CCNC: variants seen among roughly 807,000 people sequenced by gnomAD.
CCNC encodes cyclin-C.
Under a neutral mutation model 50.0 loss-of-function variants are expected in CCNC, and 19 were observed. The observed-to-expected ratio is 0.38, with a 90% CI of 0.27 to 0.56. The LOEUF is 0.56. Among genes scored for constraint, CCNC ranks in the 20% least tolerant of loss-of-function variants. CCNC has a pLI of 0.72. For missense variants in CCNC, 200 were observed against 327.1 expected (o/e 0.61, Z 3.00); for synonymous variants, 93 against 103.7 (o/e 0.90, Z 0.63).
chr6:99,549,353 T>C (rs1406954144), intron 9 of CCNC, 155 bp downstream of exon 9: 3 of 694,422 alleles, frequency 4.3e-6, no homozygotes, highest in African/African-American at 1.8e-5. Flanking sequence ...TTTATGACAG[T>C]TGCAGTTCAT....
chr6:99,568,419 C>T (rs571540128), intron 1 of CCNC, 77 bp downstream of exon 1: 2 of 1,390,896 alleles, frequency 1.4e-6, no homozygotes, highest in Admixed American at 1.8e-5. Flanking sequence ...GGGATCCAGG[C>T]CCAGGGGAGT....
At chr6:99,552,460 G>A (rs540811729) in intron 5 of CCNC, among the ~76,000 whole-genome samples, 2 of 151,826 alleles carry the variant, frequency 1.3e-5, no homozygotes, top group South Asian at 2.1e-4. Flanking sequence ...CAAAGGTCTC[G>A]AGTTACTCAT....
chr6:99,559,845 T>C (rs1399322122), intron 4 of CCNC, among the ~76,000 whole-genome samples: 1 of 151,592 alleles, frequency 6.6e-6, no homozygotes, highest in African/African-American at 2.4e-5. Context: ...TCGGCCTCCC[T>C]AGTAGCTGGG....
At position 99,562,863 on chromosome 6, in the gene CCNC, A is replaced by G. The variant is rs751362962; in HGVS notation, c.118T>C (p.Leu40=). The G allele has an allele frequency of 6.3e-7, 1 of 1,592,370 alleles. No individual in the cohort carries two copies. Among genetic ancestry groups the G allele is most frequent in the South Asian group, 1.1e-5 (1 of 88,298 alleles). Residue 40 remains leucine (L), a synonymous_variant, in exon 2 of 12, where the codon TTA becomes CTA. Coordinates refer to ENST00000520429, the MANE Select transcript of CCNC (RefSeq NM_005190.4). ...KFLSEEEYWK[L]QIFFTNVIQA... ...TTACCATTTGTAAAAAATATTTGTA[A>G]CTTCCAATATTCTTCCTCTGAGAGA...
chr6:99,558,384 T>C (rs1802630786), intron 5 of CCNC, 113 bp downstream of exon 5: 1 of 1,488,650 alleles, frequency 6.7e-7, no homozygotes, highest in African/African-American at 1.4e-5. Context: ...TCAGGAAATT[T>C]AATAAAGCCA....
Position 99,561,526 on chromosome 6 carries a change from T to G in CCNC, c.224+71A>C, listed in dbSNP as rs182419269. ...GATAACTCTATGGTAGACACATGAT[T>G]CATTTACACTGTGCTAAGGTTCATC... On this transcript the variant is annotated intron_variant, in intron 3 of 11. Transcript: ENST00000520429. 7 of 1,342,142 alleles carry G rather than the reference T, an allele frequency of 5.2e-6. No individual in the cohort carries two copies. In the Admixed American group the frequency reaches 1.4e-4, roughly 27 times the overall value. The allele number at this position is 1,342,142 out of a possible 1,614,324, so 83.1% of individuals were successfully genotyped here.
chr6:99,564,558 T>C (rs1415685629), intron 1 of CCNC, among the ~76,000 whole-genome samples: 2 of 152,192 alleles, frequency 1.3e-5, no homozygotes, highest in African/African-American at 4.8e-5. Context: ...TCCATGTCTT[T>C]ATTGGTCAAA....
At chr6:99,561,569 C>T (rs1028340538) in intron 3 of CCNC, 28 bp downstream of exon 3, 1 of 1,508,666 alleles carries the variant, frequency 6.6e-7, no homozygotes, top group Non-Finnish European at 9.2e-7. Flanking sequence ...GATAAGAGTT[C>T]AAATAAATAA....
intron 5 of CCNC, 71 bp from the exon 6 acceptor site, chr6:99,551,966 A>T (rs145717552): frequency 0.024 from 26,560 of 1,106,866 alleles, 376 homozygotes; most frequent in Non-Finnish European, 0.027. Flanking sequence ...CCTTTAACAG[A>T]GCAGAATATT....
chr6:99,568,330 G>A, intron 1 of CCNC, 166 bp downstream of exon 1: 1 of 625,868 alleles, frequency 1.6e-6, no homozygotes, highest in South Asian at 2.1e-5. Flanking sequence ...GGGCGGGGAG[G>A]GGAGTCGCCT....
intron 9 of CCNC, among the ~76,000 whole-genome samples, chr6:99,548,292 T>C (rs559988529): frequency 7.6e-4 from 116 of 152,242 alleles, no homozygotes; most frequent in African/African-American, 2.7e-3. Context: ...TTCCTACCTA[T>C]GCAGATCCCA....
Position 99,550,487 on chromosome 6 carries a change from T to C in CCNC, c.439-178A>G, listed in dbSNP as rs1802246609. 3 of 542,130 alleles carry C rather than the reference T, an allele frequency of 5.5e-6. No individual in the cohort carries two copies. In the Admixed American group the frequency reaches 1.0e-4, roughly 19 times the overall value. The allele number at this position is 542,130 out of a possible 1,614,324, so 33.6% of individuals were successfully genotyped here. A position where few individuals can be genotyped will look rare whatever the true frequency, so the allele number is the denominator to read the frequency against. ...ATGACAGCCCTAAACTCTACCGTAA[T>C]AGTGAAGGCAGTGCTCTCTCTGGAA... is the stretch of plus-strand genomic sequence containing the variant. On this transcript the variant is annotated intron_variant, in intron 7 of 11. Transcript: ENST00000520429.
chr6:99,543,748 T>G, intron 11 of CCNC, 139 bp from the exon 12 acceptor site: 1 of 1,436,430 alleles, frequency 7.0e-7, no homozygotes, highest in Non-Finnish European at 9.1e-7. Flanking sequence ...ATAAGACACG[T>G]GAAAAATTAA....
intron 3 of CCNC, 45 bp from the exon 4 acceptor site, chr6:99,561,481 C>A: frequency 7.0e-7 from 1 of 1,434,872 alleles, no homozygotes; most frequent in Non-Finnish European, 9.5e-7. Context: ...ATACAGAAAA[C>A]ACACTGGGAA....
intron 11 of CCNC, 56 bp downstream of exon 11, chr6:99,545,056 T>A: frequency 1.3e-6 from 1 of 797,416 alleles, no homozygotes. Context: ...CTAAGAAAAA[T>A]ATAGTAAGTA....
intron 5 of CCNC, among the ~76,000 whole-genome samples, chr6:99,553,531 A>T (rs1802388838): frequency 6.6e-6 from 1 of 152,060 alleles, no homozygotes. Flanking sequence ...TGTTTGTCTT[A>T]CCACTTATAC....
intron 4 of CCNC, among the ~76,000 whole-genome samples, chr6:99,558,776 A>C (rs570200036): frequency 6.6e-6 from 1 of 152,248 alleles, no homozygotes; most frequent in African/African-American, 2.4e-5. Context: ...CTGGTTGAGC[A>C]TCCCTAATCT....
Position 99,546,492 on chromosome 6 carries a change from G to A in CCNC, c.599-18C>T. On this transcript the variant is annotated intron_variant, in intron 9 of 11. Transcript: ENST00000520429. The stretch of plus-strand genomic sequence containing the variant: ...TAGGCAAGCTGAAATGAAAATGAGA[G>A]ACAACTGTCCATGTTTAACTGCAAA... 2 of 1,527,824 alleles carry A rather than the reference G, an allele frequency of 1.3e-6. No individual in the cohort carries two copies. Among genetic ancestry groups the A allele is most frequent in the South Asian group, 1.1e-5 (1 of 88,844 alleles). The allele number at this position is 1,527,824 out of a possible 1,614,324, so 94.6% of individuals were successfully genotyped here.
intron 1 of CCNC, 98 bp downstream of exon 1, chr6:99,568,398 G>A: frequency 4.9e-6 from 6 of 1,234,864 alleles, no homozygotes; most frequent in Admixed American, 2.0e-5. Context: ...CCCGGCACTC[G>A]GAACTGAGCT....
Sources: allele counts gnomAD v4.1 joint callset (sites outside exome capture counted in the v4.1 genomes callset), GRCh38; gene constraint gnomAD v4.1.1; transcripts MANE v1.5; gene names NCBI Gene and HGNC (gene_info 2026-07-23, HGNC 2026-07-21).